PHGDH: variants seen among roughly 807,000 people sequenced by gnomAD.
The protein encoded by PHGDH is phosphoglycerate dehydrogenase.
PHGDH carries 50 observed loss-of-function variants against 52.6 expected under a neutral mutation model. The observed-to-expected ratio is 0.95, with a 90% CI of 0.76 to 1.20. PHGDH has a LOEUF of 1.20. PHGDH is among the 50% of genes most tolerant of loss of function. The probability of loss-of-function intolerance (pLI) is 0.00; values close to 1 mark genes in which losing one functional copy is unlikely to be tolerated. For synonymous variants in PHGDH, 271 were observed against 280.5 expected (o/e 0.97, Z 0.34); for missense variants, 630 against 684.6 (o/e 0.92, Z 0.89).
intron 11 of PHGDH, among the ~76,000 whole-genome samples, chr1:119,743,474 C>T (rs1652303301): frequency 1.3e-5 from 2 of 152,214 alleles, no homozygotes; most frequent in South Asian, 2.1e-4. Flanking sequence ...CCATGGTAGG[C>T]GTCTTGGACC....
intron 1 of PHGDH, among the ~76,000 whole-genome samples, chr1:119,717,450 T>A (rs943153017): frequency 1.3e-5 from 2 of 152,114 alleles, no homozygotes; most frequent in South Asian, 4.1e-4. Context: ...CTAAGATTTG[T>A]GCCTTGCTTA....
At chr1:119,732,339 G>A (rs1181845105) in intron 5 of PHGDH, among the ~76,000 whole-genome samples, 4 of 152,228 alleles carry the variant, frequency 2.6e-5, no homozygotes, top group Non-Finnish European at 4.4e-5. Flanking sequence ...TCAGGAGTCT[G>A]CCCTGGGGCT....
intron 1 of PHGDH, 70 bp from the exon 2 acceptor site, chr1:119,721,100 A>G (rs1651133583): frequency 1.4e-6 from 2 of 1,430,300 alleles, no homozygotes; most frequent in Non-Finnish European, 2.0e-6. Context: ...GGAGTAAGCA[A>G]TGATGTGCCT....
intron 1 of PHGDH, chr1:119,715,807 T>A (rs1182681343): frequency 6.6e-6 from 1 of 152,242 alleles, no homozygotes; most frequent in African/African-American, 2.4e-5. Context: ...GCAGTGAACA[T>A]CAGAATTTGG....
chr1:119,723,512 G>GT, intron 3 of PHGDH, 71 bp downstream of exon 3: 1 of 1,215,070 alleles, frequency 8.2e-7, no homozygotes, highest in Non-Finnish European at 1.2e-6. Context: ...CAAGCAAATG[G>GT]ACCCAGAAAA....
chr1:119,734,184 C>T (rs1651829427), intron 5 of PHGDH: 5 of 289,814 alleles, frequency 1.7e-5, no homozygotes, highest in South Asian at 1.5e-4. Flanking sequence ...CCTGGCTGTC[C>T]GCTCCCTACA....
Position 119,712,149 on chromosome 1 carries a change from G to C in PHGDH, c.127G>C (p.Ala43Pro), listed in dbSNP as rs1557962025. ...KQNLSKEELI[A>P]ELQDCEGLIV... ...GAACCTTAGCAAAGAGGAGCTGATA[G>C]CGGAGCTGCAGGTAAGGCGAGAGAG... Residue 43 changes from alanine to proline, a missense_variant, in exon 1 of 12, where the codon GCG becomes CCG. Physicochemically the swap from Ala to Pro is conservative, Grantham distance 27 (BLOSUM62 -1). Coordinates refer to ENST00000641023, the MANE Select transcript of PHGDH (RefSeq NM_006623.4). The C allele has an allele frequency of 2.5e-6, 4 of 1,613,956 alleles. No individual in the cohort carries two copies. The highest frequency in any genetic ancestry group is 3.4e-6 in the Non-Finnish European group (4 of 1,179,976).
At chr1:119,740,859 T>A (rs1400326005) in intron 9 of PHGDH, among the ~76,000 whole-genome samples, 3 of 152,104 alleles carry the variant, frequency 2.0e-5, no homozygotes, top group Admixed American at 2.0e-4. Context: ...AGCAACAGGA[T>A]GCTGGATTCT....
chr1:119,736,882 G>C (rs1160942540), intron 7 of PHGDH, among the ~76,000 whole-genome samples: 1 of 152,252 alleles, frequency 6.6e-6, no homozygotes, highest in African/African-American at 2.4e-5. Context: ...GTGGTTAAGT[G>C]GTGAAGGTGA....
intron 5 of PHGDH, 69 bp from the exon 6 acceptor site, chr1:119,734,565 C>T: frequency 6.7e-7 from 1 of 1,483,672 alleles, no homozygotes; most frequent in Non-Finnish European, 9.4e-7. Flanking sequence ...AAAATGTTTG[C>T]CATTCTTAAT....
intron 3 of PHGDH, among the ~76,000 whole-genome samples, chr1:119,726,015 C>G (rs587718631): frequency 1.3e-5 from 2 of 152,054 alleles, no homozygotes; most frequent in South Asian, 4.1e-4. Flanking sequence ...TCAAATCTTC[C>G]TTTTTTGCCT....
Position 119,721,187 on chromosome 1 carries a change from T to G in PHGDH, c.156T>G (p.Ile52Met). ...TGCTTCAGGACTGTGAAGGCCTTATTGTTCGCTCTGCCACCAAGGTGACCG... is the reference window on the plus strand; with the variant it reads ...TGCTTCAGGACTGTGAAGGCCTTATGGTTCGCTCTGCCACCAAGGTGACCG... ...IAELQDCEGL[I>M]VRSATKVTAD... The change falls in exon 2 of 12, where the codon ATT becomes ATG. Residue 52 changes from isoleucine (I) to methionine (M), a missense_variant. Transcript: ENST00000641023. 6.2e-7 allele frequency: 1 copy of G among 1,614,236 alleles called. No homozygotes were observed. Among genetic ancestry groups the G allele is most frequent in the Non-Finnish European group, 8.5e-7 (1 of 1,180,038 alleles).
intron 5 of PHGDH, 133 bp downstream of exon 5, chr1:119,727,235 G>A: frequency 1.4e-6 from 1 of 707,218 alleles, no homozygotes; most frequent in Non-Finnish European, 2.6e-6. Context: ...ATCTAAATAA[G>A]TGTTAAAGTC....
rs1651871657 is a variant in PHGDH at position 119,735,058 on chromosome 1, G to A, written c.644-237G>A. On this transcript the variant is annotated intron_variant, in intron 6 of 11. Transcript: ENST00000641023. ...CTGATTCCCAGACCCACTTGAAACA[G>A]TAATATCTCAAGAATTTCTAAGATG... The A allele has an allele frequency of 9.3e-6, 6 of 642,466 alleles. No individual in the cohort carries two copies. The Admixed American group carries it at 1.6e-4, about 18-fold the overall frequency. The allele number at this position is 642,466 out of a possible 1,614,324, so 39.8% of individuals were successfully genotyped here.
chr1:119,737,018 G>T, intron 7 of PHGDH, 96 bp from the exon 8 acceptor site: 1 of 1,213,024 alleles, frequency 8.2e-7, no homozygotes, highest in South Asian at 1.2e-5. Context: ...CAGAACTCCT[G>T]ACTGCCTTCC....
At chr1:119,737,549 A>G (rs1486636461) in intron 8 of PHGDH, among the ~76,000 whole-genome samples, 1 of 152,102 alleles carries the variant, frequency 6.6e-6, no homozygotes, top group Non-Finnish European at 1.5e-5. Flanking sequence ...CCTCTAGAGA[A>G]AGGCTCCTTT....
intron 5 of PHGDH, among the ~76,000 whole-genome samples, chr1:119,730,853 C>T (rs1364546797): frequency 1.3e-5 from 2 of 152,146 alleles, no homozygotes; most frequent in Non-Finnish European, 2.9e-5. Context: ...AGTGCTCCAC[C>T]TTGCCCACCA....
Position 119,727,501 on chromosome 1 carries a change from G to T in PHGDH, c.510+399G>T, listed in dbSNP as rs1335575314. 1.4e-5 allele frequency: 4 copies of T among 289,830 alleles called. No homozygotes were observed. In the South Asian group the frequency reaches 1.4e-4, roughly 10 times the overall value. The allele number at this position is 289,830 out of a possible 1,614,324, so 18.0% of individuals were successfully genotyped here. ...AGTGCAGAGTAGACAGTACACCTCG[G>T]GAGAGAGAGAATTCAGGGTGGGCTG... On this transcript the variant is annotated intron_variant, in intron 5 of 11. Transcript: ENST00000641023.
chr1:119,724,552 C>T (rs1651316010), intron 3 of PHGDH: 1 of 362,962 alleles, frequency 2.8e-6, no homozygotes, highest in Non-Finnish European at 5.3e-6. Flanking sequence ...AAGGGGCCCC[C>T]AGGCTGGCAG....
Sources: allele counts gnomAD v4.1 joint callset (sites outside exome capture counted in the v4.1 genomes callset), GRCh38; gene constraint gnomAD v4.1.1; transcripts MANE v1.5; gene names NCBI Gene and HGNC (gene_info 2026-07-23, HGNC 2026-07-21).